The following PLAGL1 variants were observed in gnomAD, a reference collection of about 807,000 sequenced individuals.
PLAGL1 encodes the protein zinc finger protein PLAGL1.
A neutral mutation model predicts 4.6 loss-of-function variants in PLAGL1; 1 was observed. The ratio of observed to expected loss-of-function variants is 0.22; its 90% CI spans 0.08 to 1.03. The LOEUF (loss-of-function observed/expected upper bound fraction) is 1.03, where lower values mean the gene tolerates loss of function less well. Among genes scored for constraint, PLAGL1 ranks in the 50% least tolerant of loss-of-function variants. The pLI is 0.58. For missense variants in PLAGL1, 464 were observed against 570.4 expected (o/e 0.81, Z 1.90); for synonymous variants, 240 against 237.8 (o/e 1.01, Z -0.08).
chr6:144,017,217 A>T (rs915511839), intron 1 of PLAGL1, among the ~76,000 whole-genome samples: 1 of 152,146 alleles, frequency 6.6e-6, no homozygotes, highest in Non-Finnish European at 1.5e-5. Context: ...TTTAAAGCGC[A>T]TCGCTTCTGG....
chr6:144,018,904 C>T (rs1475786201), intron 1 of PLAGL1, among the ~76,000 whole-genome samples: 1 of 152,146 alleles, frequency 6.6e-6, no homozygotes, highest in African/African-American at 2.4e-5. Flanking sequence ...CATAGTGGCT[C>T]ATGCCTGTAA....
chr6:143,957,370 T>C lies in PLAGL1; in HGVS notation c.-325+3099A>G, dbSNP rs1431514758. ...CCTTTGGTATTAGGGGAAGATTTTC[T>C]AATTGTTACAGTCAGGAATGGGGAT... On this transcript the variant is annotated intron_variant, in intron 6 of 7. Transcript: ENST00000674357. This position sits in a 1 kb window ranked among gnomAD's most constrained non-coding sequence, Gnocchi z 4.2. Among the ~76,000 whole-genome samples the C allele has an allele frequency of 1.3e-5, 2 of 152,206 alleles. No homozygotes were observed. The highest frequency in any genetic ancestry group is 4.8e-5 in the African/African-American group (2 of 41,448).
rs1387432538 is a variant in PLAGL1, at chr6:143,942,084, T to C, written c.732A>G (p.Leu244=). Residue 244 remains leucine, a synonymous_variant, in exon 8 of 8, where the codon TTA becomes TTG. Coordinates refer to ENST00000674357, the MANE Select transcript of PLAGL1 (RefSeq NM_001317162.2). The surrounding 1 kb of genome is among the most constrained non-coding windows in gnomAD (Gnocchi z 7.6). ...LKAAALPPFP[L]GASAQNGLAS... is the part of the protein sequence containing the mutation. Reference sequence around the variant, plus strand: ...CAAGCCCGTTCTGGGCAGAAGCTCCTAAAGGGAAAGGAGGCAAGGCAGCAG... The same window carrying C: ...CAAGCCCGTTCTGGGCAGAAGCTCCCAAAGGGAAAGGAGGCAAGGCAGCAG... 1 of 1,613,946 alleles carries C rather than the reference T, an allele frequency of 6.2e-7. No homozygotes were observed. Among genetic ancestry groups the C allele is most frequent in the Non-Finnish European group, 8.5e-7 (1 of 1,179,940 alleles).
In PLAGL1 at chr6:144,059,817, G is replaced by A. The variant is rs1166385969; in HGVS notation, c.-151+4651C>T. 1.3e-5 allele frequency among the ~76,000 whole-genome samples: 2 copies of A among 152,058 alleles called. No homozygotes were observed. The highest frequency in any genetic ancestry group is 2.9e-5 in the Non-Finnish European group (2 of 68,008). ...TGCTTTAGTCTTTTGGGGTACCTAG[G>A]GCCTTTTTGAGAGATCAGCCTTGAG... On this transcript the variant is annotated intron_variant, in intron 1 of 3. Coordinates refer to the PLAGL1 transcript ENST00000437412. This position sits in a 1 kb window ranked among gnomAD's most constrained non-coding sequence, Gnocchi z 4.9.
chr6:144,028,788 G>T (rs1796564831), intron 1 of PLAGL1, among the ~76,000 whole-genome samples: 1 of 152,178 alleles, frequency 6.6e-6, no homozygotes, highest in African/African-American at 2.4e-5. Flanking sequence ...TTATCTACGT[G>T]CTGGGACTAC....
At chr6:144,019,036 A>AAAC (rs201866873) in intron 1 of PLAGL1, among the ~76,000 whole-genome samples, 12 of 152,062 alleles carry the variant, frequency 7.9e-5, no homozygotes, top group African/African-American at 1.9e-4. Context: ...CCTATATTTA[A>AAAC]AACAACAACA....
rs139338353 is a variant in PLAGL1, at chr6:143,946,553, T to C, written c.152+1432A>G. 7.6e-4 allele frequency among the ~76,000 whole-genome samples: 116 copies of C among 152,358 alleles called. No homozygotes were observed. The East Asian group carries it at 0.02, about 26-fold the overall frequency. The stretch of plus-strand genomic sequence containing the variant: ...TTGAATTTTAAAATATGTAAGCATT[T>C]GCAGGCTAATTTTTAAAACCAACTT... On this transcript the variant is annotated intron_variant, in intron 7 of 7. Transcript: ENST00000674357.
At position 143,994,082 on chromosome 6, in the gene PLAGL1, A is replaced by C. The variant is rs6928827; in HGVS notation, c.-583-8908T>G. On this transcript the variant is annotated intron_variant, in intron 1 of 7. Coordinates refer to ENST00000674357, the MANE Select transcript of PLAGL1 (RefSeq NM_001317162.2). This position sits in a 1 kb window ranked among gnomAD's most constrained non-coding sequence, Gnocchi z 4.3. ...AGAACTCCCTAGGGGCAAGGCCAGT[A>C]CTTCTGAAAATGATGAACAAGAAGG... Among the ~76,000 whole-genome samples the C allele has an allele frequency of 6.6e-6, 1 of 151,606 alleles. No homozygotes were observed. The highest frequency in any genetic ancestry group is 1.5e-5 in the Non-Finnish European group (1 of 67,904).
Position 143,972,224 on chromosome 6 carries a change from T to C in PLAGL1, c.-543-3246A>G, listed in dbSNP as rs145211420. 0.011 allele frequency among the ~76,000 whole-genome samples: 1,614 copies of C among 152,350 alleles called. 9 individuals carry two copies. The highest frequency in any genetic ancestry group is 0.044 in the Middle Eastern group (13 of 294). On this transcript the variant is annotated intron_variant, in intron 2 of 7. Coordinates refer to ENST00000674357, the MANE Select transcript of PLAGL1 (RefSeq NM_001317162.2). The surrounding 1 kb of genome is among the most constrained non-coding windows in gnomAD (Gnocchi z 6.8). The stretch of plus-strand genomic sequence containing the variant: ...TACCGAGCCAAGAGCTCTGCTAGGC[T>C]TGAGATATAAAAATGAATACAACAC...
rs916515464 is a variant in PLAGL1 at position 143,965,303 on chromosome 6, C to G, written c.-430-485G>C. ...ACCTTCAGAAGAAGCTTATAAAGACCCTGCTGGAAACTGAAGAGGATTTTA... is the reference window on the plus strand; with the variant it reads ...ACCTTCAGAAGAAGCTTATAAAGACGCTGCTGGAAACTGAAGAGGATTTTA... On this transcript the variant is annotated intron_variant, in intron 4 of 7. Transcript: ENST00000674357. The surrounding 1 kb of genome is among the most constrained non-coding windows in gnomAD (Gnocchi z 7.5). The G allele has an allele frequency of 6.6e-6, 1 of 152,050 alleles. No individual in the cohort carries two copies. The highest frequency in any genetic ancestry group is 1.5e-5 in the Non-Finnish European group (1 of 68,008). The allele number at this position is 152,050 out of a possible 1,614,324, so 9.4% of individuals were successfully genotyped here.
In PLAGL1 at chr6:143,994,522, T is replaced by C. The variant is rs1221081524; in HGVS notation, c.-583-9348A>G. Among the ~76,000 whole-genome samples the C allele has an allele frequency of 6.6e-6, 1 of 152,242 alleles. No individual in the cohort carries two copies. The highest frequency in any genetic ancestry group is 6.5e-5 in the Admixed American group (1 of 15,286). ...TTAACAAGGCAGCCCTACTTCACAG[T>C]AGCTCTTGAAATCTCAAGTAGGAAC... is the stretch of plus-strand genomic sequence containing the variant. On this transcript the variant is annotated intron_variant, in intron 1 of 7. Coordinates refer to ENST00000674357, the MANE Select transcript of PLAGL1 (RefSeq NM_001317162.2). The surrounding 1 kb of genome is among the most constrained non-coding windows in gnomAD (Gnocchi z 4.3).
In PLAGL1 at chr6:143,952,716, A is replaced by C. The variant is rs1424634021; in HGVS notation, c.-324-4256T>G. On this transcript the variant is annotated intron_variant, in intron 6 of 7. Coordinates refer to ENST00000674357, the MANE Select transcript of PLAGL1 (RefSeq NM_001317162.2). This position sits in a 1 kb window ranked among gnomAD's most constrained non-coding sequence, Gnocchi z 6.1. ...ATAACACATCATCTAATGGGGCACA[A>C]CTGCTTTACAACATTCTTAAAATAA... 6.6e-6 allele frequency among the ~76,000 whole-genome samples: 1 copy of C among 152,226 alleles called. No homozygotes were observed. The highest frequency in any genetic ancestry group is 1.9e-4 in the East Asian group (1 of 5,196).
At chr6:144,060,010 A>G (rs1373529384) in intron 1 of PLAGL1, among the ~76,000 whole-genome samples, 1 of 151,966 alleles carries the variant, frequency 6.6e-6, no homozygotes, top group African/African-American at 2.4e-5. Context: ...CTCAAATTTT[A>G]TGAGAACCCT....
At chr6:143,956,298 G>A (rs2268445) in intron 6 of PLAGL1, among the ~76,000 whole-genome samples, 33,635 of 152,006 alleles carry the variant, frequency 0.22, 3,957 homozygotes, top group East Asian at 0.3. Flanking sequence ...GACTCCCTTA[G>A]GTCATCTACT....
rs1321407092 is a variant in PLAGL1 at position 143,968,868 on chromosome 6, G to C, written c.-472+39C>G. ...GCCATGACTGATGGCAGGAGCACTG[G>C]GGGGCAGGAGTTGGAGGGTTCCGCA... On this transcript the variant is annotated intron_variant, in intron 3 of 7. Coordinates refer to ENST00000674357, the MANE Select transcript of PLAGL1 (RefSeq NM_001317162.2). The surrounding 1 kb of genome is among the most constrained non-coding windows in gnomAD (Gnocchi z 6.3). 2 of 152,330 alleles carry C rather than the reference G, an allele frequency of 1.3e-5. No homozygotes were observed. The highest frequency in any genetic ancestry group is 3.8e-4 in the East Asian group (2 of 5,200). The allele number at this position is 152,330 out of a possible 1,614,324, so 9.4% of individuals were successfully genotyped here.
At chr6:144,040,018 C>T (rs1797601116) in intron 1 of PLAGL1, among the ~76,000 whole-genome samples, 1 of 151,952 alleles carries the variant, frequency 6.6e-6, no homozygotes. Context: ...CAAAACTAAA[C>T]ATATACAAAT....
chr6:144,057,288 C>A (rs990853097), intron 1 of PLAGL1, among the ~76,000 whole-genome samples: 1 of 152,218 alleles, frequency 6.6e-6, no homozygotes, highest in African/African-American at 2.4e-5. Flanking sequence ...TCGTTAATAA[C>A]CAGCAGTATT....
intron 1 of PLAGL1, among the ~76,000 whole-genome samples, chr6:144,047,033 G>C (rs996256568): frequency 6.6e-6 from 1 of 152,220 alleles, no homozygotes; most frequent in East Asian, 1.9e-4. Context: ...CTGGTGTGCC[G>C]TTTGCTAAGA....
chr6:144,051,740 A>T (rs945574567), intron 1 of PLAGL1, among the ~76,000 whole-genome samples: 5 of 152,222 alleles, frequency 3.3e-5, no homozygotes, highest in Non-Finnish European at 7.3e-5. Flanking sequence ...GTCTTACATG[A>T]ATGGTGGCAG....
Sources: gnomAD v4.1 joint callset for allele counts (sites outside exome capture counted in the v4.1 genomes callset) on GRCh38, gnomAD v4.1.1 for gene constraint, Gnocchi (gnomAD v3.1) non-coding constraint, MANE v1.5 for transcripts, NCBI Gene and HGNC (gene_info 2026-07-23, HGNC 2026-07-21) for gene names.